The following LRP1B variants were observed in gnomAD, a reference collection of about 807,000 sequenced individuals.
The protein encoded by LRP1B is low-density lipoprotein receptor-related protein 1B.
A neutral mutation model predicts 556.6 loss-of-function variants in LRP1B; 217 were observed. The observed-to-expected ratio is 0.39, with a 90% CI of 0.35 to 0.44. LRP1B has a LOEUF of 0.44. LRP1B is among the 20% of genes least tolerant of loss of function. LRP1B has a pLI of 1.00. For synonymous variants in LRP1B, 2,047 were observed against 1,865.8 expected (o/e 1.10, Z -2.50); for missense variants, 5,053 against 5,620.8 (o/e 0.90, Z 3.23).
chr2:141,096,335 C>G (rs539429223), intron 7 of LRP1B, among the ~76,000 whole-genome samples: 7 of 152,126 alleles, frequency 4.6e-5, no homozygotes, highest in African/African-American at 4.8e-5. Flanking sequence ...CTCCTGTAAT[C>G]CCAGCACTTC....
chr2:141,278,158 GA>G (rs558786697), intron 3 of LRP1B, among the ~76,000 whole-genome samples: 148 of 152,056 alleles, frequency 9.7e-4, no homozygotes, highest in African/African-American at 1.4e-4. Context: ...AAAGGTAAAG[GA>G]AAAAAATATA....
In LRP1B at chr2:141,132,001, C is replaced by T. The variant is rs564952898; in HGVS notation, c.1013+56420G>A. ...CCTTCACCCCCTTCCCACTCTTGCC[C>T]CAGAGCCTCCAGAGTTCATTGGATC... On this transcript the variant is annotated intron_variant, in intron 7 of 90. Coordinates refer to ENST00000389484, the MANE Select transcript of LRP1B (RefSeq NM_018557.3). 3.3e-5 allele frequency among the ~76,000 whole-genome samples: 5 copies of T among 152,062 alleles called. No individual in the cohort carries two copies. In the East Asian group the frequency reaches 7.7e-4, roughly 24 times the overall value.
intron 1 of LRP1B, among the ~76,000 whole-genome samples, chr2:141,915,495 G>A (rs77490244): frequency 0.01 from 1,563 of 152,114 alleles, 27 homozygotes; most frequent in African/African-American, 0.035. Flanking sequence ...AAGAAAACCT[G>A]GGAAATACCA....
At chr2:141,868,045 G>T (rs1338341154) in intron 1 of LRP1B, among the ~76,000 whole-genome samples, 1 of 152,074 alleles carries the variant, frequency 6.6e-6, no homozygotes, top group Admixed American at 6.5e-5. Context: ...TCCTTCCTAG[G>T]CTTGTGAATC....
intron 67 of LRP1B, among the ~76,000 whole-genome samples, chr2:140,383,017 G>A (rs926600045): frequency 3.3e-5 from 5 of 152,150 alleles, no homozygotes; most frequent in Admixed American, 1.3e-4. Flanking sequence ...TAGTTTAGGT[G>A]TGTAGTAGTC....
Position 141,268,809 on chromosome 2 carries a change from C to T in LRP1B, c.344-14168G>A, listed in dbSNP as rs143377494. Among the ~76,000 whole-genome samples the T allele has an allele frequency of 4.1e-3, 625 of 152,078 alleles. 3 individuals are homozygous for T. Among genetic ancestry groups the T allele is most frequent in the African/African-American group, 0.013 (555 of 41,464 alleles). ...AAAAAACAACAGACACAGCCAAAACCCAGGAATATCAAATTACAAATTGGA... is the reference window on the plus strand; with the variant it reads ...AAAAAACAACAGACACAGCCAAAACTCAGGAATATCAAATTACAAATTGGA... On this transcript the variant is annotated intron_variant, in intron 3 of 90. Coordinates refer to ENST00000389484, the MANE Select transcript of LRP1B (RefSeq NM_018557.3).
At chr2:142,038,767 T>C (rs1703969253) in intron 1 of LRP1B, among the ~76,000 whole-genome samples, 2 of 151,720 alleles carry the variant, frequency 1.3e-5, no homozygotes, top group South Asian at 4.1e-4. Flanking sequence ...ATTCTATACT[T>C]CTTATTTGTA....
intron 2 of LRP1B, among the ~76,000 whole-genome samples, chr2:141,542,373 T>C (rs1264086071): frequency 6.6e-6 from 1 of 152,004 alleles, no homozygotes; most frequent in Non-Finnish European, 1.5e-5. Context: ...AATTCACATT[T>C]GGAAAGAATA....
chr2:140,960,916 A>G (rs573172526), intron 18 of LRP1B, among the ~76,000 whole-genome samples: 1 of 151,956 alleles, frequency 6.6e-6, no homozygotes, highest in Non-Finnish European at 1.5e-5. Context: ...AATATTTTAA[A>G]TGATCTTACA....
intron 77 of LRP1B, among the ~76,000 whole-genome samples, chr2:140,345,161 G>GAAGTACTCTCCCGATTGTA (rs2105103864): frequency 6.6e-6 from 1 of 151,752 alleles, no homozygotes; most frequent in South Asian, 2.1e-4. Context: ...CTTGATACCA[G>GAAGTACTCTCCCGATTGTA]AAGTACTCTC....
chr2:141,768,237 T>C (rs1250476032), intron 2 of LRP1B, among the ~76,000 whole-genome samples: 2 of 152,142 alleles, frequency 1.3e-5, no homozygotes, highest in Non-Finnish European at 2.9e-5. Context: ...CAGATCTGTT[T>C]TGTTGTTATT....
At chr2:140,270,865 T>C (rs893704590) in intron 85 of LRP1B, among the ~76,000 whole-genome samples, 1 of 152,026 alleles carries the variant, frequency 6.6e-6, no homozygotes, top group African/African-American at 2.4e-5. Flanking sequence ...TATCCCACTG[T>C]TTCTCTTTGA....
intron 37 of LRP1B, among the ~76,000 whole-genome samples, chr2:140,706,828 C>CT (rs5834767): frequency 0.36 from 53,576 of 150,230 alleles, 10,270 homozygotes; most frequent in African/African-American, 0.51. Flanking sequence ...TCAGGAAAAA[C>CT]TTTTTTTTTT....
rs554806691 is a variant in LRP1B, at chr2:141,736,692, G to C, written c.205+73587C>G. 6.8e-4 allele frequency among the ~76,000 whole-genome samples: 103 copies of C among 152,284 alleles called. 1 individual carries two copies. In the Middle Eastern group the frequency reaches 0.01, roughly 15 times the overall value. ...ACAGTGCCAACAGCAAGTCACTACA[G>C]TGGCAGCAGAGATAAGCAGATGATC... On this transcript the variant is annotated intron_variant, in intron 2 of 90. Coordinates refer to ENST00000389484, the MANE Select transcript of LRP1B (RefSeq NM_018557.3).
intron 1 of LRP1B, among the ~76,000 whole-genome samples, chr2:141,844,136 G>A (rs1697565657): frequency 6.6e-6 from 1 of 152,030 alleles, no homozygotes; most frequent in Non-Finnish European, 1.5e-5. Context: ...CATCAGTTAG[G>A]GGTATGGATA....
intron 7 of LRP1B, among the ~76,000 whole-genome samples, chr2:141,142,000 T>A (rs1352261730): frequency 7.7e-6 from 1 of 129,778 alleles, no homozygotes; most frequent in African/African-American, 4.1e-5. Context: ...AACGATAGGG[T>A]TTTTTTTTTT....
intron 21 of LRP1B, among the ~76,000 whole-genome samples, chr2:140,912,439 A>G (rs539344806): frequency 1.3e-5 from 2 of 151,676 alleles, no homozygotes; most frequent in Non-Finnish European, 3.0e-5. Context: ...TATAGACATT[A>G]TAACTATCCA....
intron 87 of LRP1B, among the ~76,000 whole-genome samples, chr2:140,240,126 A>G (rs1680883798): frequency 6.6e-6 from 1 of 150,924 alleles, no homozygotes; most frequent in Non-Finnish European, 1.5e-5. Flanking sequence ...TCAACTGTAA[A>G]ACACAGAGAA....
intron 2 of LRP1B, among the ~76,000 whole-genome samples, chr2:141,625,463 T>A (rs1559186942): frequency 2.0e-5 from 3 of 152,084 alleles, no homozygotes. Context: ...ACTCCGTACA[T>A]TTTTTTCTAA....
Sources: allele counts gnomAD v4.1 joint callset (sites outside exome capture counted in the v4.1 genomes callset), GRCh38; gene constraint gnomAD v4.1.1; transcripts MANE v1.5; gene names NCBI Gene and HGNC (gene_info 2026-07-23, HGNC 2026-07-21).